Variants in C1orf21 observed in about 807,000 individuals in gnomAD.
C1orf21 encodes chromosome 1 open reading frame 21.
In C1orf21, 3 loss-of-function variants were observed where a neutral mutation model predicts 18.7. That is an observed-to-expected ratio of 0.16 (90% confidence interval 0.07 to 0.42). C1orf21 has a LOEUF of 0.42. Ranked by LOEUF, C1orf21 falls within the 10% of genes least tolerant of loss-of-function variation. The probability of loss-of-function intolerance (pLI) is 0.99; values close to 1 mark genes in which losing one functional copy is unlikely to be tolerated. For missense variants in C1orf21, 104 were observed against 143.6 expected, an observed-to-expected ratio of 0.72 and a Z score of 1.41; for synonymous variants, 41 against 46.4, an observed-to-expected ratio of 0.88 and a Z score of 0.47.
At chr1:184,432,431 A>T (rs774773455) in intron 1 of C1orf21, among the ~76,000 whole-genome samples, 2 of 152,152 alleles carry the variant, frequency 1.3e-5, no homozygotes, top group Non-Finnish European at 2.9e-5. Flanking sequence ...AGAAAACCAA[A>T]CACTGCATGT....
chr1:184,509,070 T>C (rs1433426094), intron 3 of C1orf21, among the ~76,000 whole-genome samples: 2 of 152,310 alleles, frequency 1.3e-5, no homozygotes, highest in Admixed American at 6.5e-5. Flanking sequence ...TAATATTTAC[T>C]GTAGAGGCTA....
intron 1 of C1orf21, among the ~76,000 whole-genome samples, chr1:184,453,423 T>C (rs1414274522): frequency 6.6e-6 from 1 of 152,198 alleles, no homozygotes; most frequent in African/African-American, 2.4e-5. Context: ...TACTGACGAA[T>C]ATACAATTTA....
chr1:184,548,068 G>T (rs1658752167), intron 3 of C1orf21, among the ~76,000 whole-genome samples: 1 of 152,160 alleles, frequency 6.6e-6, no homozygotes, highest in Admixed American at 6.5e-5. Flanking sequence ...TCACAACCTG[G>T]TCTGTTTCCC....
chr1:184,601,651 C>A (rs772892883), intron 5 of C1orf21, among the ~76,000 whole-genome samples: 8 of 152,058 alleles, frequency 5.3e-5, no homozygotes, highest in Non-Finnish European at 1.2e-4. Flanking sequence ...ACCTGTAATC[C>A]CAGCACTTTG....
intron 3 of C1orf21, among the ~76,000 whole-genome samples, chr1:184,534,617 A>G (rs1168103201): frequency 6.6e-6 from 1 of 150,622 alleles, no homozygotes; most frequent in East Asian, 1.9e-4. Context: ...TTTTTCTTTT[A>G]TTCTCTTAGT....
At chr1:184,553,366 T>C (rs1658838968) in intron 3 of C1orf21, among the ~76,000 whole-genome samples, 1 of 152,204 alleles carries the variant, frequency 6.6e-6, no homozygotes, top group South Asian at 2.1e-4. Flanking sequence ...AACTCACACA[T>C]AAGTTTCATT....
At chr1:184,471,434 A>G (rs575801667) in intron 1 of C1orf21, among the ~76,000 whole-genome samples, 43 of 152,288 alleles carry the variant, frequency 2.8e-4, no homozygotes, top group African/African-American at 9.9e-4. Context: ...AATAAATTGA[A>G]TGTAGGTAAG....
chr1:184,457,557 A>G (rs937401592), intron 1 of C1orf21, among the ~76,000 whole-genome samples: 3 of 152,194 alleles, frequency 2.0e-5, no homozygotes, highest in Non-Finnish European at 2.9e-5. Flanking sequence ...GATCATTCAC[A>G]TGAACACTGG....
chr1:184,412,381 G>A (rs549898787), intron 1 of C1orf21: 5 of 152,336 alleles, frequency 3.3e-5, no homozygotes, highest in Admixed American at 2.0e-4. Flanking sequence ...GAAGCCTCAG[G>A]TAGGATAAGC....
chr1:184,431,492 A>T (rs199530307), intron 1 of C1orf21, among the ~76,000 whole-genome samples: 1 of 152,152 alleles, frequency 6.6e-6, no homozygotes, highest in Non-Finnish European at 1.5e-5. Flanking sequence ...AGACTTAAAC[A>T]TAAGACCTAA....
chr1:184,460,620 G>GTCGTCTTCTTCTTCTTCTTCT (rs1284129710), intron 1 of C1orf21, among the ~76,000 whole-genome samples: 8 of 112,038 alleles, frequency 7.1e-5, no homozygotes, highest in African/African-American at 2.8e-4. Flanking sequence ...TGTCGTCGTC[G>GTCGTCTTCTTCTTCTTCTTCT]TCTTCTTCTT....
intron 1 of C1orf21, among the ~76,000 whole-genome samples, chr1:184,451,788 T>A (rs1657127663): frequency 6.6e-6 from 1 of 152,226 alleles, no homozygotes; most frequent in Admixed American, 6.5e-5. Flanking sequence ...TTGCACATTG[T>A]AGGCCTCTTG....
At chr1:184,438,136 C>T (rs994300239) in intron 1 of C1orf21, among the ~76,000 whole-genome samples, 1 of 151,956 alleles carries the variant, frequency 6.6e-6, no homozygotes, top group Admixed American at 6.6e-5. Flanking sequence ...ATGGACTTTT[C>T]CTAGTGAAAG....
Position 184,591,944 on chromosome 1 carries a change from A to G in C1orf21, c.266+1129A>G, listed in dbSNP as rs1659444615. On this transcript the variant is annotated intron_variant, in intron 4 of 5. Coordinates refer to ENST00000235307, the MANE Select transcript of C1orf21 (RefSeq NM_030806.4). ...AGGAATCTCATAAGGATGAGGCAGT[A>G]GAGTAAGCAGCGATACATGCCTACA... 2.0e-5 allele frequency among the ~76,000 whole-genome samples: 3 copies of G among 152,370 alleles called. 1 individual carries two copies. In the South Asian group the frequency reaches 6.2e-4, roughly 32 times the overall value.
chr1:184,592,245 TAAAAA>T (rs1659448406), intron 4 of C1orf21: 2 of 152,064 alleles, frequency 1.3e-5, no homozygotes, highest in South Asian at 2.1e-4. Flanking sequence ...ATTGGAAAGT[TAAAAA>T]GAAAAGAAAA....
chr1:184,579,770 A>C (rs1451253729), intron 3 of C1orf21, among the ~76,000 whole-genome samples: 1 of 152,100 alleles, frequency 6.6e-6, no homozygotes, highest in East Asian at 1.9e-4. Context: ...CGGCCTGTCA[A>C]AGTGCTGGGA....
At chr1:184,440,674 G>A (rs950020782) in intron 1 of C1orf21, among the ~76,000 whole-genome samples, 12 of 152,062 alleles carry the variant, frequency 7.9e-5, no homozygotes. Context: ...TAATAAGTAA[G>A]ATAGTAAGTT....
Position 184,474,967 on chromosome 1 carries a change from C to T in C1orf21, c.-124-2419C>T, listed in dbSNP as rs72735692. On this transcript the variant is annotated intron_variant, in intron 1 of 5. Transcript: ENST00000235307. The stretch of plus-strand genomic sequence containing the variant: ...GCTGGCTGGGAATCCAAAACAGCAG[C>T]AATAGCAGCAGCAATAACAACAACA... Among the ~76,000 whole-genome samples, 1,374 of 152,196 alleles carry T rather than the reference C, an allele frequency of 9.0e-3. 6 individuals carry two copies. The highest frequency in any genetic ancestry group is 0.014 in the Non-Finnish European group (965 of 68,010).
intron 2 of C1orf21, among the ~76,000 whole-genome samples, chr1:184,490,179 C>T (rs77698002): frequency 0.016 from 2,366 of 152,308 alleles, 28 homozygotes; most frequent in Non-Finnish European, 0.025. Context: ...TCACTTCATC[C>T]TAAGAAGCAC....
Sources: gnomAD v4.1 joint callset for allele counts (sites outside exome capture counted in the v4.1 genomes callset) on GRCh38, gnomAD v4.1.1 for gene constraint, MANE v1.5 for transcripts, NCBI Gene and HGNC (gene_info 2026-07-23, HGNC 2026-07-21) for gene names.